TRHDE: variants seen among roughly 807,000 people sequenced by gnomAD.
TRHDE encodes the protein thyrotropin-releasing hormone-degrading ectoenzyme.
TRHDE carries 72 observed loss-of-function variants against 125.7 expected under a neutral mutation model. The ratio of observed to expected loss-of-function variants is 0.57; its 90% CI spans 0.47 to 0.70. The LOEUF is 0.70. Ranked by LOEUF, TRHDE falls within the 30% of genes least tolerant of loss-of-function variation. The pLI, the probability that TRHDE is intolerant of heterozygous loss-of-function variation, is 0.00. For missense variants in TRHDE, 1,110 were observed against 1,327.1 expected, an observed-to-expected ratio of 0.84 and a Z score of 2.54; for synonymous variants, 509 against 509.1, an observed-to-expected ratio of 1.00 and a Z score of 0.00.
chr12:72,393,108 A>C (rs1315910379), intron 3 of TRHDE, among the ~76,000 whole-genome samples: 3 of 152,162 alleles, frequency 2.0e-5, no homozygotes, highest in African/African-American at 7.2e-5. Flanking sequence ...GCAAAGACTC[A>C]TGTTGCTTCA....
chr12:72,616,816 C>A (rs904807970), intron 12 of TRHDE, among the ~76,000 whole-genome samples: 12 of 152,006 alleles, frequency 7.9e-5, no homozygotes, highest in African/African-American at 2.9e-4. Flanking sequence ...AATAAATCTT[C>A]AACATTATAC....
chr12:72,152,738 G>A (rs1471255780), intron 2 of TRHDE, among the ~76,000 whole-genome samples: 1 of 152,166 alleles, frequency 6.6e-6, no homozygotes, highest in Admixed American at 6.5e-5. Context: ...GCATCCCAGG[G>A]ATGAAGCCCA....
At chr12:72,661,492 A>T (rs1349577745) in intron 18 of TRHDE, among the ~76,000 whole-genome samples, 1 of 152,220 alleles carries the variant, frequency 6.6e-6, no homozygotes, top group Non-Finnish European at 1.5e-5. Context: ...TCATATTTTT[A>T]TAATAAATTA....
chr12:72,093,738 G>A (rs534651130), intron 1 of TRHDE, among the ~76,000 whole-genome samples: 2 of 152,198 alleles, frequency 1.3e-5, no homozygotes, highest in African/African-American at 2.4e-5. Context: ...GCCTAATTTT[G>A]TTTAGTTGTC....
Position 72,621,704 on chromosome 12 carries a change from A to G in TRHDE, c.2628A>G (p.Gln876=). The change falls in exon 15 of 19, where the codon CAA becomes CAG. Residue 876 remains glutamine (Q), a synonymous_variant. Coordinates refer to ENST00000261180, the MANE Select transcript of TRHDE (RefSeq NM_013381.3). ...ACSFGNKHCH[Q]QASTLISDWI... ...GTTTTGGCAACAAGCACTGTCACCA[A>G]CAGGCATCAACACTTATTTCAGATT... The G allele has an allele frequency of 6.2e-7, 1 of 1,608,070 alleles. No individual in the cohort carries two copies. The highest frequency in any genetic ancestry group is 8.5e-7 in the Non-Finnish European group (1 of 1,178,154).
chr12:72,392,221 C>A (rs559616664), intron 3 of TRHDE, among the ~76,000 whole-genome samples: 2 of 152,256 alleles, frequency 1.3e-5, no homozygotes, highest in African/African-American at 4.8e-5. Context: ...TCACATAAAC[C>A]TAAGCTGACT....
At chr12:72,483,510 T>A (rs1565760221) in intron 5 of TRHDE, among the ~76,000 whole-genome samples, 1 of 152,008 alleles carries the variant, frequency 6.6e-6, no homozygotes, top group Non-Finnish European at 1.5e-5. Flanking sequence ...ATAATAATAT[T>A]ACCTGCAGGG....
chr12:72,599,724 G>A (rs113411110), intron 12 of TRHDE, among the ~76,000 whole-genome samples: 1 of 152,026 alleles, frequency 6.6e-6, no homozygotes, highest in East Asian at 1.9e-4. Context: ...GTTTAATAAG[G>A]TTTCACTTGT....
Position 72,575,293 on chromosome 12 carries a change from C to G in TRHDE, c.2170C>G (p.Leu724Val). Residue 724 changes from leucine to valine, a missense_variant, in exon 11 of 19, where the codon CTG becomes GTG. Coordinates refer to ENST00000261180, the MANE Select transcript of TRHDE (RefSeq NM_013381.3). ...AACTTATTTGGACAAAGGAAGCTGG[C>G]TGCTGGGGAACATCAATCAAACTGG... ...RITYLDKGSW[L>V]LGNINQTGYF... The G allele has an allele frequency of 6.2e-7, 1 of 1,613,460 alleles. No homozygotes were observed. The highest frequency in any genetic ancestry group is 1.1e-5 in the South Asian group (1 of 91,054).
chr12:72,139,946 C>T (rs1364626657), intron 2 of TRHDE, among the ~76,000 whole-genome samples: 1 of 152,128 alleles, frequency 6.6e-6, no homozygotes, highest in African/African-American at 2.4e-5. Flanking sequence ...TTAAGACTTA[C>T]GAAACAGACT....
chr12:72,447,285 G>T (rs924383052), intron 3 of TRHDE, among the ~76,000 whole-genome samples: 1 of 152,102 alleles, frequency 6.6e-6, no homozygotes, highest in Non-Finnish European at 1.5e-5. Context: ...ATAACGAAAT[G>T]AAGGCAGAAA....
intron 2 of TRHDE, among the ~76,000 whole-genome samples, chr12:72,124,105 C>T (rs1394389073): frequency 6.6e-6 from 1 of 152,096 alleles, no homozygotes; most frequent in East Asian, 1.9e-4. Flanking sequence ...CCAGGCACCT[C>T]CTGTATTTTA....
chr12:72,389,836 T>G (rs1163600880), intron 3 of TRHDE, among the ~76,000 whole-genome samples: 1 of 152,146 alleles, frequency 6.6e-6, no homozygotes, highest in Non-Finnish European at 1.5e-5. Flanking sequence ...ATTGGCTGCC[T>G]CATGTAGAAC....
At chr12:72,425,832 G>C (rs1874160260) in intron 3 of TRHDE, among the ~76,000 whole-genome samples, 1 of 151,962 alleles carries the variant, frequency 6.6e-6, no homozygotes, top group African/African-American at 2.4e-5. Flanking sequence ...ACCATACTCA[G>C]TGTTGTAGTT....
intron 3 of TRHDE, among the ~76,000 whole-genome samples, chr12:72,428,605 G>T (rs963386016): frequency 2.6e-5 from 4 of 151,970 alleles, no homozygotes; most frequent in African/African-American, 9.6e-5. Flanking sequence ...ATGCTGTGCA[G>T]GCCATTAAAA....
intron 3 of TRHDE, among the ~76,000 whole-genome samples, chr12:72,410,412 C>T (rs922588801): frequency 6.6e-6 from 1 of 152,000 alleles, no homozygotes; most frequent in Non-Finnish European, 1.5e-5. Context: ...GCCAGCATAA[C>T]TTTAATATCA....
chr12:72,351,935 T>C (rs184368684), intron 2 of TRHDE, among the ~76,000 whole-genome samples: 6 of 152,020 alleles, frequency 3.9e-5, no homozygotes, highest in African/African-American at 1.4e-4. Context: ...ACTCATTTGC[T>C]TACCAGCTTA....
At chr12:72,097,123 T>C (rs1874942121) in intron 1 of TRHDE, among the ~76,000 whole-genome samples, 1 of 152,208 alleles carries the variant, frequency 6.6e-6, no homozygotes, top group Admixed American at 6.5e-5. Context: ...GGTGGTTTTC[T>C]CAAAAGAAAA....
At position 72,317,655 on chromosome 12, in the gene TRHDE, A is replaced by G. The variant is rs538560455; in HGVS notation, c.1188+30701A>G. 3.3e-5 allele frequency among the ~76,000 whole-genome samples: 5 copies of G among 152,316 alleles called. No individual in the cohort carries two copies. The East Asian group carries it at 9.6e-4, about 29-fold the overall frequency. ...CCTCTTAATATTGCATTGGAGATAT[A>G]GTTTAAATTTTGGAGGGACATAAAC... On this transcript the variant is annotated intron_variant, in intron 2 of 18. Coordinates refer to ENST00000261180, the MANE Select transcript of TRHDE (RefSeq NM_013381.3).
Sources: allele counts gnomAD v4.1 joint callset (sites outside exome capture counted in the v4.1 genomes callset), GRCh38; gene constraint gnomAD v4.1.1; transcripts MANE v1.5; gene names NCBI Gene and HGNC (gene_info 2026-07-23, HGNC 2026-07-21).